BRF1: variants seen among roughly 807,000 people sequenced by gnomAD.
BRF1 encodes the protein BRF1 general transcription factor IIIB subunit.
BRF1 carries 59 observed loss-of-function variants against 81.7 expected under a neutral mutation model. The observed-to-expected ratio is 0.72, with a 90% CI of 0.59 to 0.90. BRF1 has a LOEUF of 0.90. Ranked by LOEUF, BRF1 falls within the 40% of genes least tolerant of loss-of-function variation. BRF1 has a pLI of 0.00. For missense variants in BRF1, 1,050 were observed against 936.3 expected (o/e 1.12, Z -1.58); for synonymous variants, 491 against 395.6 (o/e 1.24, Z -2.86).
intron 3 of BRF1, among the ~76,000 whole-genome samples, chr14:105,260,371 C>T (rs985007314): frequency 3.3e-5 from 5 of 151,216 alleles, no homozygotes; most frequent in East Asian, 1.9e-4. Context: ...TGCAGGTGTT[C>T]GAATTTTTTT....
At chr14:105,302,100 T>C (rs898124261), upstream of BRF1, among the ~76,000 whole-genome samples, 51 of 151,428 alleles carry the variant, frequency 3.4e-4, no homozygotes, top group African/African-American at 1.2e-3. Context: ...GATCCCGCCA[T>C]TGCACTCCAG....
At chr14:105,216,854 G>A (rs587608821) in intron 15 of BRF1, among the ~76,000 whole-genome samples, 1 of 152,246 alleles carries the variant, frequency 6.6e-6, no homozygotes, top group East Asian at 1.9e-4. Flanking sequence ...ACCAAAGGGT[G>A]GACCCAGAAG....
intron 4 of BRF1, among the ~76,000 whole-genome samples, chr14:105,253,410 G>A (rs1352011077): frequency 1.3e-5 from 2 of 152,178 alleles, no homozygotes; most frequent in African/African-American, 2.4e-5. Flanking sequence ...TGGGGCCCCC[G>A]GGCCTCACAG....
chr14:105,263,009 G>A (rs1333467492), intron 3 of BRF1, among the ~76,000 whole-genome samples: 3 of 152,028 alleles, frequency 2.0e-5, no homozygotes, highest in African/African-American at 7.2e-5. Flanking sequence ...GGGAGGCCGA[G>A]GCGGGCAGAT....
At chr14:105,248,568 C>CGCGG in intron 5 of BRF1, 1 of 203,502 alleles carries the variant, frequency 4.9e-6, no homozygotes, top group African/African-American at 5.1e-5. Context: ...CGGGTACGGG[C>CGCGG]TCGGGCGGGC....
chr14:105,270,174 CTTTTTTTT>C (rs56662868), intron 3 of BRF1, among the ~76,000 whole-genome samples: 2 of 115,324 alleles, frequency 1.7e-5, no homozygotes, highest in South Asian at 5.7e-4. Context: ...GTTGAAAGGA[CTTTTTTTT>C]TTTTTTTTTG....
At position 105,272,711 on chromosome 14, in the gene BRF1, C is replaced by A; in HGVS notation, c.439+10G>T. The A allele has an allele frequency of 1.3e-6, 2 of 1,590,894 alleles. No homozygotes were observed. The highest frequency in any genetic ancestry group is 1.1e-5 in the South Asian group (1 of 89,244). On this transcript the variant is annotated intron_variant, in intron 3 of 17. Transcript: ENST00000547530. ...GGGGCCCTCTGGGAGGCTCTCAAAC[C>A]AAAGGATACGCGGCGTGCCCTCCGT...
intron 7 of BRF1, 136 bp from the exon 8 acceptor site, chr14:105,226,896 T>A: frequency 7.6e-7 from 1 of 1,322,936 alleles, no homozygotes; most frequent in Non-Finnish European, 1.0e-6. Flanking sequence ...ATTGCTTGAG[T>A]CCAAGACTTT....
chr14:105,310,498 CCAGCCTGGGCGA>C (rs587734744), intron 1 of BRF1, among the ~76,000 whole-genome samples: 133 of 143,702 alleles, frequency 9.3e-4, no homozygotes, highest in South Asian at 5.7e-3. Flanking sequence ...CCACTGCACT[CCAGCCTGGGCGA>C]CAGACAGAGC....
At chr14:105,275,333 C>A (rs1462506709) in intron 2 of BRF1, among the ~76,000 whole-genome samples, 1 of 152,222 alleles carries the variant, frequency 6.6e-6, no homozygotes, top group East Asian at 1.9e-4. Context: ...AGAGCTCATA[C>A]AGCTCTGAGG....
chr14:105,228,943 C>G (rs369512081), intron 6 of BRF1, 30 bp from the exon 7 acceptor site: 7 of 1,607,616 alleles, frequency 4.4e-6, no homozygotes, highest in East Asian at 2.2e-5. Context: ...GCCTCGTCAA[C>G]CACGGCTGGG....
intron 3 of BRF1, among the ~76,000 whole-genome samples, chr14:105,261,961 C>T (rs780088160): frequency 6.6e-5 from 10 of 152,266 alleles, no homozygotes; most frequent in Non-Finnish European, 1.5e-4. Flanking sequence ...GAGTGCTCCT[C>T]ACCGGCAGCC....
chr14:105,271,711 T>C lies in BRF1; in HGVS notation c.439+1010A>G, dbSNP rs948943905. On this transcript the variant is annotated intron_variant, in intron 3 of 17. Transcript: ENST00000547530. This position sits in a 1 kb window ranked among gnomAD's most constrained non-coding sequence, Gnocchi z 5.5. ...CTGTCAAGAGGCCGAAGGCAGCTCC[T>C]GACCCATGTGTGTGTCTGCAGATGG... Among the ~76,000 whole-genome samples, 28 of 152,254 alleles carry C rather than the reference T, an allele frequency of 1.8e-4. No homozygotes were observed. The highest frequency in any genetic ancestry group is 1.5e-5 in the Non-Finnish European group (1 of 68,044).
rs587772604 is a variant in BRF1 at position 105,265,045 on chromosome 14, C to CTT, written c.439+7674_439+7675dup. Among the ~76,000 whole-genome samples the CTT allele has an allele frequency of 1.6e-4, 21 of 135,244 alleles. 1 individual carries two copies. Among genetic ancestry groups the CTT allele is most frequent in the South Asian group, 2.5e-4 (1 of 4,056 alleles). The allele number at this position is 135,244 out of a possible 152,430, so 88.7% of individuals were successfully genotyped here. A position where few individuals can be genotyped will look rare whatever the true frequency, so the allele number is the denominator to read the frequency against. On this transcript the variant is annotated intron_variant, in intron 3 of 17. Transcript: ENST00000547530. ...CATCAAGTCATAAGTTCTACTTATCCTTTTTTTTGTTTTTTTTTTGTTTGT... is the reference window on the plus strand; with the variant it reads ...CATCAAGTCATAAGTTCTACTTATCCTTTTTTTTTTGTTTTTTTTTTGTTTGT...
chr14:105,217,414 A>G, intron 15 of BRF1, 130 bp downstream of exon 15: 1 of 1,406,266 alleles, frequency 7.1e-7, no homozygotes, highest in Non-Finnish European at 9.7e-7. Flanking sequence ...CCCAGCATGC[A>G]GGTGGCAAAT....
chr14:105,219,347 C>G, intron 12 of BRF1, 115 bp from the exon 13 acceptor site: 1 of 1,539,024 alleles, frequency 6.5e-7, no homozygotes, highest in Non-Finnish European at 8.8e-7. Context: ...GAACCCGGGG[C>G]AGCCTCTATT....
At position 105,249,239 on chromosome 14, in the gene BRF1, G is replaced by A. The variant is rs1331368494; in HGVS notation, c.544+3268C>T. ...CCCGGGGGCGACCAGGACGGTGCCC[G>A]CCCACAAGGTGGGTAGCGGCGGCCC... On this transcript the variant is annotated intron_variant, in intron 5 of 17. Coordinates refer to ENST00000547530, the MANE Select transcript of BRF1 (RefSeq NM_001519.4). 5.7e-6 allele frequency: 9 copies of A among 1,579,888 alleles called. No individual in the cohort carries two copies. In the African/African-American group the frequency reaches 9.4e-5, roughly 16 times the overall value.
intron 3 of BRF1, 128 bp downstream of exon 3, chr14:105,272,593 T>C: frequency 1.7e-6 from 2 of 1,199,422 alleles, no homozygotes; most frequent in Non-Finnish European, 1.1e-6. Context: ...GAAACAGTTC[T>C]TCCAGTAAGG....
chr14:105,312,891 C>T (rs996677661), intron 1 of BRF1, among the ~76,000 whole-genome samples: 2 of 152,198 alleles, frequency 1.3e-5, no homozygotes, highest in African/African-American at 4.8e-5. Context: ...ACCCACCATA[C>T]GGGTTCTTCG....
Sources: gnomAD v4.1 joint callset for allele counts (sites outside exome capture counted in the v4.1 genomes callset) on GRCh38, gnomAD v4.1.1 for gene constraint, Gnocchi (gnomAD v3.1) non-coding constraint, MANE v1.5 for transcripts, NCBI Gene and HGNC (gene_info 2026-07-23, HGNC 2026-07-21) for gene names.